Variants in EPG5 observed in about 807,000 individuals in gnomAD.
EPG5 encodes ectopic P granules protein 5 homolog.
EPG5 carries 159 observed loss-of-function variants against 302.7 expected under a neutral mutation model. The ratio of observed to expected loss-of-function variants is 0.53; its 90% CI spans 0.46 to 0.60. The LOEUF (loss-of-function observed/expected upper bound fraction) is 0.60, where lower values mean the gene tolerates loss of function less well. Ranked by LOEUF, EPG5 falls within the 20% of genes least tolerant of loss-of-function variation. The pLI, the probability that EPG5 is intolerant of heterozygous loss-of-function variation, is 0.00. For synonymous variants in EPG5, 1,158 were observed against 1,136.8 expected (o/e 1.02, Z -0.37); for missense variants, 2,896 against 3,092.4 (o/e 0.94, Z 1.51).
At chr18:45,899,038 T>A (rs189377739) in intron 27 of EPG5, among the ~76,000 whole-genome samples, 243 of 152,126 alleles carry the variant, frequency 1.6e-3, no homozygotes, top group African/African-American at 5.6e-3. Flanking sequence ...GGCAGGAGAA[T>A]CACTTGAACC....
At chr18:45,914,495 A>T (rs1318012616) in intron 20 of EPG5, among the ~76,000 whole-genome samples, 1 of 152,278 alleles carries the variant, frequency 6.6e-6, no homozygotes, top group Non-Finnish European at 1.5e-5. Flanking sequence ...GGTGGTAATG[A>T]TAAAAATAAT....
intron 11 of EPG5, 151 bp downstream of exon 11, chr18:45,934,658 T>G: frequency 1.2e-6 from 1 of 842,966 alleles, no homozygotes; most frequent in Non-Finnish European, 1.7e-6. Flanking sequence ...ATCAAAACTG[T>G]GAAGCAGTCT....
chr18:45,880,133 G>C lies in EPG5; in HGVS notation c.5609C>G (p.Ala1870Gly). 1 of 1,611,090 alleles carries C rather than the reference G, an allele frequency of 6.2e-7. No homozygotes were observed. Residue 1870 changes from alanine (A) to glycine (G), a missense_variant, in exon 32 of 44, where the codon GCG becomes GGG. Ala to Gly is a moderately conservative substitution (Grantham distance 60). This residue lies in a region of EPG5 where 790 missense variants were observed against 798.0 expected (regional missense o/e 0.99). Coordinates refer to ENST00000282041, the MANE Select transcript of EPG5 (RefSeq NM_020964.3). Reference protein sequence around the residue: ...CCAPSCQQGAASTEGAVLPSS... With the variant: ...CCAPSCQQGAGSTEGAVLPSS... ...GGGAAGCACGGCGCCCTCGGTGGAC[G>C]CTGCCCCCTGCTGGCAGCTGGGGGC...
the EPG5 span, chr18:45,837,819 A>C: frequency 5.9e-6 from 9 of 1,533,414 alleles, no homozygotes; most frequent in Non-Finnish European, 6.1e-6. Flanking sequence ...GACCGCCGCT[A>C]CTTCTGCCGC....
At chr18:45,885,926 C>G (rs2049208279) in intron 29 of EPG5, among the ~76,000 whole-genome samples, 1 of 151,942 alleles carries the variant, frequency 6.6e-6, no homozygotes, top group Non-Finnish European at 1.5e-5. Flanking sequence ...GGCCAATAAA[C>G]ATATGAAAAG....
chr18:45,819,277 T>C, the EPG5 span, among the ~76,000 whole-genome samples: 1 of 152,258 alleles, frequency 6.6e-6, no homozygotes. Flanking sequence ...ATTCAAATAG[T>C]TTTCCCAGTA....
At chr18:45,941,565 CAAAG>C (rs927988277) in intron 9 of EPG5, among the ~76,000 whole-genome samples, 100 of 152,098 alleles carry the variant, frequency 6.6e-4, no homozygotes, top group African/African-American at 2.4e-3. Flanking sequence ...GAAAGAAAAA[CAAAG>C]AAAGAATAAT....
In EPG5 at chr18:45,889,811, C is replaced by T. The variant is rs1251020021; in HGVS notation, c.4939G>A (p.Glu1647Lys). 6.2e-7 allele frequency: 1 copy of T among 1,601,728 alleles called. No individual in the cohort carries two copies. The highest frequency in any genetic ancestry group is 8.5e-7 in the Non-Finnish European group (1 of 1,175,172). ...LNIVEAAVHA[E>K]NLITALVNAY... ...TGCAAAACTTACGTGATCAAGTTTT[C>T]TGCATGTACAGCAGCTTCCACAATA... Residue 1647 changes from glutamate (E) to lysine (K), a missense_variant, in exon 28 of 44, where the codon GAA (glutamate) becomes AAA (lysine). By Grantham distance (56) the Glu-to-Lys change is moderately conservative. This residue lies in a region of EPG5 where 790 missense variants were observed against 798.0 expected (regional missense o/e 0.99). Transcript: ENST00000282041.
At chr18:45,947,287 C>A (rs2050803519) in intron 6 of EPG5, among the ~76,000 whole-genome samples, 1 of 152,050 alleles carries the variant, frequency 6.6e-6, no homozygotes, top group African/African-American at 2.4e-5. Context: ...GTGGCACATG[C>A]CTGCAGTCCC....
chr18:45,885,206 G>C (rs1379859565), intron 29 of EPG5, among the ~76,000 whole-genome samples: 1 of 152,098 alleles, frequency 6.6e-6, no homozygotes, highest in Admixed American at 6.5e-5. Context: ...GGGCGTGGTG[G>C]TGGGCACCTG....
intron 27 of EPG5, among the ~76,000 whole-genome samples, chr18:45,893,671 T>C (rs1267249289): frequency 6.6e-6 from 1 of 152,008 alleles, no homozygotes; most frequent in Non-Finnish European, 1.5e-5. Context: ...GGAAAGACAG[T>C]GCAACCATCC....
rs1325655317 is a variant in EPG5, at chr18:45,948,420, T to A, written c.1571+83A>T. The A allele has an allele frequency of 1.3e-5, 14 of 1,068,528 alleles. No homozygotes were observed. The East Asian group carries it at 3.1e-4, about 24-fold the overall frequency. 66.2% of individuals were successfully genotyped at this position (1,068,528 alleles called of 1,614,324 possible). ...AACACTTCCCTTAGCTGTTCTTCTTTGGATCTAGGCAGTTTCAGGAGCCAA... is the reference window on the plus strand; with the variant it reads ...AACACTTCCCTTAGCTGTTCTTCTTAGGATCTAGGCAGTTTCAGGAGCCAA... On this transcript the variant is annotated intron_variant, in intron 6 of 43. Transcript: ENST00000282041.
intron 1 of EPG5, among the ~76,000 whole-genome samples, chr18:45,959,784 A>G (rs1414881277): frequency 6.6e-6 from 1 of 152,148 alleles, no homozygotes; most frequent in Non-Finnish European, 1.5e-5. Context: ...GTTCAAGACC[A>G]GCCTGACCAA....
chr18:45,842,236 G>A, the EPG5 span: 1 of 1,599,620 alleles, frequency 6.3e-7, no homozygotes, highest in Non-Finnish European at 8.6e-7. Flanking sequence ...AAGAACAAAG[G>A]CCAGTGCGAG....
intron 1 of EPG5, among the ~76,000 whole-genome samples, chr18:45,965,013 CT>C (rs1260703711): frequency 2.6e-5 from 4 of 152,246 alleles, no homozygotes; most frequent in African/African-American, 7.2e-5. Flanking sequence ...ACCAGAATAA[CT>C]CCTCACAGAC....
intron 30 of EPG5, 131 bp from the exon 31 acceptor site, chr18:45,882,618 G>A (rs972204309): frequency 6.5e-6 from 4 of 616,566 alleles, no homozygotes; most frequent in East Asian, 2.8e-5. Context: ...AAATTAAAAT[G>A]TATAAACAAG....
In EPG5 at chr18:45,917,910, G is replaced by A. The variant is rs890570089; in HGVS notation, c.3099-91C>T. 3 of 1,318,124 alleles carry A rather than the reference G, an allele frequency of 2.3e-6. No homozygotes were observed. In the African/African-American group the frequency reaches 4.4e-5, roughly 19 times the overall value. The allele number at this position is 1,318,124 out of a possible 1,614,324, so 81.7% of individuals were successfully genotyped here. On this transcript the variant is annotated intron_variant, in intron 16 of 43. Coordinates refer to ENST00000282041, the MANE Select transcript of EPG5 (RefSeq NM_020964.3). Reference sequence around the variant, plus strand: ...TGAGTTATGAGCCTTCAATACCTTGGGTTATCTCAGGTCTCCAACACATGT... The same window carrying A: ...TGAGTTATGAGCCTTCAATACCTTGAGTTATCTCAGGTCTCCAACACATGT...
intron 35 of EPG5, 69 bp from the exon 36 acceptor site, chr18:45,870,811 T>C: frequency 8.5e-7 from 1 of 1,179,808 alleles, no homozygotes; most frequent in Non-Finnish European, 1.2e-6. Flanking sequence ...AAAAAGCAAA[T>C]TTGAACTAAA....
At chr18:45,855,489 C>G in intron 43 of EPG5, 84 bp downstream of exon 43, 1 of 872,832 alleles carries the variant, frequency 1.1e-6, no homozygotes, top group Non-Finnish European at 1.9e-6. Context: ...CATGTCATGA[C>G]GCGCACAGGC....
Sources: gnomAD v4.1 joint callset for allele counts (sites outside exome capture counted in the v4.1 genomes callset) on GRCh38, gnomAD v4.1.1 for gene constraint, gnomAD v4.1.1 regional missense constraint, MANE v1.5 for transcripts, NCBI Gene and HGNC (gene_info 2026-07-23, HGNC 2026-07-21) for gene names.